Variants in SRPK2 observed in about 807,000 individuals in gnomAD.
SRPK2 encodes the protein SRSF protein kinase 2.
SRPK2 carries 21 observed loss-of-function variants against 90.8 expected under a neutral mutation model. The observed-to-expected ratio is 0.23, with a 90% CI of 0.16 to 0.33. The LOEUF is 0.33. SRPK2 is among the 10% of genes least tolerant of loss of function. The pLI, the probability that SRPK2 is intolerant of heterozygous loss-of-function variation, is 1.00. For synonymous variants in SRPK2, 288 were observed against 311.1 expected (o/e 0.93, Z 0.78); for missense variants, 620 against 869.0 (o/e 0.71, Z 3.60).
intron 2 of SRPK2, among the ~76,000 whole-genome samples, chr7:105,263,252 G>A (rs1322531716): frequency 6.6e-6 from 1 of 152,070 alleles, no homozygotes; most frequent in Non-Finnish European, 1.5e-5. Context: ...GAACCTGGGA[G>A]GCAGAGGTTG....
chr7:105,233,765 C>G (rs1308419139), intron 2 of SRPK2, among the ~76,000 whole-genome samples: 3 of 152,052 alleles, frequency 2.0e-5, no homozygotes, highest in African/African-American at 7.2e-5. Flanking sequence ...GAGACTGAAG[C>G]AGGAGAATCG....
chr7:105,140,240 T>C (rs1584925421), intron 11 of SRPK2, among the ~76,000 whole-genome samples: 1 of 152,108 alleles, frequency 6.6e-6, no homozygotes, highest in African/African-American at 2.4e-5. Context: ...CCCATGGATA[T>C]GGAGGGCTGA....
chr7:105,133,947 A>C (rs1035314291), intron 11 of SRPK2, among the ~76,000 whole-genome samples: 3 of 152,166 alleles, frequency 2.0e-5, no homozygotes, highest in African/African-American at 7.2e-5. Context: ...AGAGTTAACC[A>C]AGGGGCAAGT....
In SRPK2 at chr7:105,117,149, A is replaced by G. The variant is rs1410074962; in HGVS notation, c.*689T>C. 1 of 152,242 alleles carries G rather than the reference A, an allele frequency of 6.6e-6. No homozygotes were observed. The highest frequency in any genetic ancestry group is 1.5e-5 in the Non-Finnish European group (1 of 68,036). 9.4% of individuals were successfully genotyped at this position (152,242 alleles called of 1,614,324 possible). ...ATCTTTTCTTCCTTTAAAGTGCCAT[A>G]TAGAGAATGACATCTTATAACCCAG... On this transcript the variant is annotated 3_prime_UTR_variant, in exon 16 of 16. Coordinates refer to ENST00000393651, the MANE Select transcript of SRPK2 (RefSeq NM_182692.3).
chr7:105,145,823 T>C (rs754632452), intron 8 of SRPK2, among the ~76,000 whole-genome samples: 23 of 152,198 alleles, frequency 1.5e-4, no homozygotes, highest in Non-Finnish European at 2.9e-4. Context: ...GCTGGGTCCA[T>C]GATCTAAACA....
At chr7:105,132,736 A>T in intron 13 of SRPK2, 55 bp downstream of exon 13, 2 of 1,390,284 alleles carry the variant, frequency 1.4e-6, no homozygotes, top group East Asian at 2.4e-5. Context: ...CCCCATCCAG[A>T]GTGTGAAAGG....
intron 13 of SRPK2, among the ~76,000 whole-genome samples, chr7:105,127,868 G>GTT (rs1227569144): frequency 2.6e-5 from 4 of 152,218 alleles, no homozygotes; most frequent in African/African-American, 9.6e-5. Flanking sequence ...CCCATTTCTG[G>GTT]TTTTTCTCAT....
intron 2 of SRPK2, among the ~76,000 whole-genome samples, chr7:105,309,943 A>G (rs1285608884): frequency 6.6e-6 from 1 of 152,230 alleles, no homozygotes; most frequent in Non-Finnish European, 1.5e-5. Flanking sequence ...TCACACAGAC[A>G]TAATGCCATA....
chr7:105,205,952 G>C, intron 2 of SRPK2: 1 of 518,856 alleles, frequency 1.9e-6, no homozygotes, highest in Non-Finnish European at 3.8e-6. Flanking sequence ...CACACATTGA[G>C]TTTGCTGTAG....
intron 2 of SRPK2, among the ~76,000 whole-genome samples, chr7:105,245,833 C>T (rs1801582524): frequency 1.3e-5 from 2 of 152,160 alleles, no homozygotes; most frequent in Non-Finnish European, 2.9e-5. Flanking sequence ...ATCCTCCCAC[C>T]TCAGCTGCCA....
intron 2 of SRPK2, among the ~76,000 whole-genome samples, chr7:105,255,587 T>C (rs559454553): frequency 6.6e-5 from 10 of 152,292 alleles, no homozygotes; most frequent in South Asian, 4.1e-4. Context: ...AGTTCTACCA[T>C]AGTGGGTACA....
At chr7:105,391,405 A>C (rs545143214), upstream of SRPK2, among the ~76,000 whole-genome samples, 1 of 152,214 alleles carries the variant, frequency 6.6e-6, no homozygotes, top group Non-Finnish European at 1.5e-5. Flanking sequence ...GGGTTTCTCC[A>C]TGTTGGTCAG....
At chr7:105,265,314 T>C (rs2130258473) in intron 2 of SRPK2, among the ~76,000 whole-genome samples, 1 of 152,198 alleles carries the variant, frequency 6.6e-6, no homozygotes, top group South Asian at 2.1e-4. Context: ...ATTTACAGAG[T>C]GTTTTCATTG....
At position 105,127,069 on chromosome 7, in the gene SRPK2, T is replaced by C; in HGVS notation, c.1753-7A>G. ...CCGTTGCCAGCTCAAATGCCTAGGA[T>C]ACAACAGACGACATGCTAAGCACTT... On this transcript the variant is annotated splice_region_variant and splice_polypyrimidine_tract_variant and intron_variant, in intron 13 of 15. Coordinates refer to ENST00000393651, the MANE Select transcript of SRPK2 (RefSeq NM_182692.3). The C allele has an allele frequency of 6.2e-7, 1 of 1,614,102 alleles. No homozygotes were observed. The highest frequency in any genetic ancestry group is 8.5e-7 in the Non-Finnish European group (1 of 1,180,000).
chr7:105,146,338 G>A (rs1396956577), intron 8 of SRPK2, among the ~76,000 whole-genome samples, 155 bp downstream of exon 8: 1 of 152,216 alleles, frequency 6.6e-6, no homozygotes, highest in Non-Finnish European at 1.5e-5. Flanking sequence ...TGTAGCTGGG[G>A]CATTTTCCAT....
intron 2 of SRPK2, among the ~76,000 whole-genome samples, chr7:105,263,588 T>C (rs2130138443): frequency 6.6e-6 from 1 of 152,274 alleles, no homozygotes; most frequent in Middle Eastern, 3.4e-3. Flanking sequence ...TGAACTGTCA[T>C]ATGCAAAAAA....
chr7:105,211,519 G>A (rs1796856096), intron 2 of SRPK2, among the ~76,000 whole-genome samples: 1 of 152,130 alleles, frequency 6.6e-6, no homozygotes, highest in Non-Finnish European at 1.5e-5. Flanking sequence ...AAGGCAAAGG[G>A]GGTGCAGGCG....
At chr7:105,125,967 A>T in intron 15 of SRPK2, 1 of 697,650 alleles carries the variant, frequency 1.4e-6, no homozygotes, top group South Asian at 1.8e-5. Flanking sequence ...CGCAGACAGA[A>T]ACAGAGCGCA....
At chr7:105,394,652 CTGTT>C (rs1031141404) in intron 1 of SRPK2, among the ~76,000 whole-genome samples, 2 of 152,180 alleles carry the variant, frequency 1.3e-5, no homozygotes, top group African/African-American at 2.4e-5. Flanking sequence ...CATCGCCAAT[CTGTT>C]TGTTGGATTT....
Sources: allele counts gnomAD v4.1 joint callset (sites outside exome capture counted in the v4.1 genomes callset), GRCh38; gene constraint gnomAD v4.1.1; transcripts MANE v1.5; gene names NCBI Gene and HGNC (gene_info 2026-07-23, HGNC 2026-07-21).